Variants in HS6ST3 observed in about 807,000 individuals in gnomAD.
HS6ST3 encodes heparan sulfate 6-O-sulfotransferase 3, also known as heparan-sulfate 6-O-sulfotransferase 3.
A neutral mutation model predicts 36.7 loss-of-function variants in HS6ST3; 12 were observed. That is an observed-to-expected ratio of 0.33 (90% CI 0.21 to 0.53). The LOEUF is 0.53. HS6ST3 is among the 20% of genes least tolerant of loss of function. The probability of loss-of-function intolerance (pLI) is 0.95; values close to 1 mark genes in which losing one functional copy is unlikely to be tolerated. For missense variants in HS6ST3, 584 were observed against 640.9 expected (o/e 0.91, Z 0.96); for synonymous variants, 240 against 257.5 (o/e 0.93, Z 0.65).
At chr13:96,782,567 C>A (rs908540302) in intron 1 of HS6ST3, among the ~76,000 whole-genome samples, 1 of 152,104 alleles carries the variant, frequency 6.6e-6, no homozygotes. Flanking sequence ...GTTCAGTTGG[C>A]AAATGTGATG....
intron 1 of HS6ST3, among the ~76,000 whole-genome samples, chr13:96,116,238 A>G (rs2053893526): frequency 1.3e-5 from 2 of 152,114 alleles, no homozygotes; most frequent in Non-Finnish European, 2.9e-5. Flanking sequence ...CTTCTTTTAC[A>G]CTGCTACTAC....
intron 1 of HS6ST3, among the ~76,000 whole-genome samples, chr13:96,764,237 C>T (rs527741221): frequency 3.1e-4 from 47 of 152,130 alleles, no homozygotes; most frequent in African/African-American, 9.4e-4. Context: ...GGACTGTTTT[C>T]AAAGAACAAT....
chr13:96,641,490 A>G (rs1185418832), intron 1 of HS6ST3, among the ~76,000 whole-genome samples: 1 of 151,526 alleles, frequency 6.6e-6, no homozygotes, highest in African/African-American at 2.4e-5. Flanking sequence ...TGAAACATTC[A>G]CTCCATTTAT....
intron 1 of HS6ST3, among the ~76,000 whole-genome samples, chr13:96,487,163 G>T (rs186494649): frequency 1.3e-5 from 2 of 152,118 alleles, no homozygotes; most frequent in Admixed American, 1.3e-4. Flanking sequence ...GTATAAAAAG[G>T]AGATCTGACT....
chr13:96,395,203 T>C (rs1259803231), intron 1 of HS6ST3, among the ~76,000 whole-genome samples: 1 of 152,210 alleles, frequency 6.6e-6, no homozygotes, highest in East Asian at 1.9e-4. Flanking sequence ...ATAATAATAT[T>C]GTAAAAATTT....
rs571708486 is a variant in HS6ST3 at position 96,206,968 on chromosome 13, TTAAAC to T, written c.707+115404_707+115408del. Among the ~76,000 whole-genome samples the T allele has an allele frequency of 2.5e-3, 377 of 152,200 alleles. 1 individual carries two copies. Among genetic ancestry groups the T allele is most frequent in the Non-Finnish European group, 4.4e-3 (299 of 68,010 alleles). ...GCAAAAATTGACAAATGCGATCTAA[TTAAAC>T]TAAAGAGCTTCTGCACAGCCAAATA... On this transcript the variant is annotated intron_variant, in intron 1 of 1. Coordinates refer to ENST00000376705, the MANE Select transcript of HS6ST3 (RefSeq NM_153456.4).
chr13:96,121,643 G>C (rs1272097685), intron 1 of HS6ST3, among the ~76,000 whole-genome samples: 2 of 152,212 alleles, frequency 1.3e-5, no homozygotes, highest in Non-Finnish European at 2.9e-5. Context: ...GGTAGCAGTG[G>C]TTATAAGTAG....
intron 1 of HS6ST3, among the ~76,000 whole-genome samples, chr13:96,801,318 C>A (rs1367331178): frequency 6.6e-6 from 1 of 152,094 alleles, no homozygotes; most frequent in Non-Finnish European, 1.5e-5. Context: ...CCTAAGAGAT[C>A]AGATAAAAAT....
At chr13:96,831,647 T>TA (rs1878783870) in intron 1 of HS6ST3, among the ~76,000 whole-genome samples, 1 of 151,992 alleles carries the variant, frequency 6.6e-6, no homozygotes, top group Non-Finnish European at 1.5e-5. Flanking sequence ...TAATCCCAAG[T>TA]AGCAGTATAA....
intron 1 of HS6ST3, among the ~76,000 whole-genome samples, chr13:96,796,931 G>C (rs539222581): frequency 6.6e-6 from 1 of 152,056 alleles, no homozygotes; most frequent in African/African-American, 2.4e-5. Context: ...CATATGAGGG[G>C]GTGTCCTTAT....
At chr13:96,329,681 G>A (rs1344943575) in intron 1 of HS6ST3, among the ~76,000 whole-genome samples, 3 of 116,862 alleles carry the variant, frequency 2.6e-5, no homozygotes, top group African/African-American at 7.2e-5. Context: ...GGAGAGTTCT[G>A]TAGATGTCTA....
intron 1 of HS6ST3, among the ~76,000 whole-genome samples, chr13:96,565,607 TA>T (rs1402121941): frequency 1.3e-5 from 2 of 152,086 alleles, no homozygotes; most frequent in Non-Finnish European, 2.9e-5. Flanking sequence ...AAATCTGAAT[TA>T]AAGGACCTCA....
rs376089676 is a variant in HS6ST3, at chr13:96,672,114, T to G, written c.708-160376T>G. On this transcript the variant is annotated intron_variant, in intron 1 of 1. Transcript: ENST00000376705. Reference sequence around the variant, plus strand: ...CTCAGACTGCTATTAATTTTCATGATAAATATTCTGCATTGGCTCCAAAGT... The same window carrying G: ...CTCAGACTGCTATTAATTTTCATGAGAAATATTCTGCATTGGCTCCAAAGT... Among the ~76,000 whole-genome samples, 133 of 152,270 alleles carry G rather than the reference T, an allele frequency of 8.7e-4. 1 individual carries two copies. The highest frequency in any genetic ancestry group is 3.0e-3 in the African/African-American group (126 of 41,572).
chr13:96,756,683 A>G (rs113675585), intron 1 of HS6ST3, among the ~76,000 whole-genome samples: 1 of 152,200 alleles, frequency 6.6e-6, no homozygotes, highest in Non-Finnish European at 1.5e-5. Flanking sequence ...GTATTTTTTT[A>G]TTATGGAAGG....
At chr13:96,659,097 C>G (rs1472529370) in intron 1 of HS6ST3, among the ~76,000 whole-genome samples, 2 of 152,148 alleles carry the variant, frequency 1.3e-5, no homozygotes, top group African/African-American at 4.8e-5. Flanking sequence ...TAGAAAATGA[C>G]AGTTTTCTGA....
intron 1 of HS6ST3, among the ~76,000 whole-genome samples, chr13:96,201,633 A>G (rs559290039): frequency 6.6e-6 from 1 of 152,280 alleles, no homozygotes; most frequent in South Asian, 2.1e-4. Context: ...AAATCTGCCT[A>G]GAAGAATTCT....
chr13:96,675,075 AT>A (rs1288712620), intron 1 of HS6ST3, among the ~76,000 whole-genome samples: 1 of 152,128 alleles, frequency 6.6e-6, no homozygotes, highest in African/African-American at 2.4e-5. Flanking sequence ...GCAAACCTTT[AT>A]TACAGGAGTC....
rs887370552 is a variant in HS6ST3 at position 96,103,479 on chromosome 13, G to A, written c.707+11910G>A. Reference sequence around the variant, plus strand: ...ACATAATGGCTGTCAAACAAATGTTGACTGAATAAACGAAAGAATGAAGCA... The same window carrying A: ...ACATAATGGCTGTCAAACAAATGTTAACTGAATAAACGAAAGAATGAAGCA... On this transcript the variant is annotated intron_variant, in intron 1 of 1. Transcript: ENST00000376705. Among the ~76,000 whole-genome samples, 7 of 152,218 alleles carry A rather than the reference G, an allele frequency of 4.6e-5. No individual in the cohort carries two copies. The East Asian group carries it at 1.4e-3, about 29-fold the overall frequency.
At chr13:96,428,484 G>A (rs1306892133) in intron 1 of HS6ST3, among the ~76,000 whole-genome samples, 1 of 152,212 alleles carries the variant, frequency 6.6e-6, no homozygotes, top group Non-Finnish European at 1.5e-5. Flanking sequence ...TCCTTGGCTT[G>A]TAAATGTCCA....
Sources: allele counts gnomAD v4.1 joint callset (sites outside exome capture counted in the v4.1 genomes callset), GRCh38; gene constraint gnomAD v4.1.1; transcripts MANE v1.5; gene names NCBI Gene and HGNC (gene_info 2026-07-23, HGNC 2026-07-21).